ZBTB40: variants seen among roughly 807,000 people sequenced by gnomAD.
The protein encoded by ZBTB40 is zinc finger and BTB domain-containing protein 40.
ZBTB40 carries 60 observed loss-of-function variants against 117.5 expected under a neutral mutation model. The ratio of observed to expected loss-of-function variants is 0.51; its 90% CI spans 0.41 to 0.63. The LOEUF is 0.63. Among genes scored for constraint, ZBTB40 ranks in the 30% least tolerant of loss-of-function variants. ZBTB40 has a pLI of 0.00. For missense variants in ZBTB40, 1,287 were observed against 1,498.5 expected (o/e 0.86, Z 2.33); for synonymous variants, 525 against 577.1 (o/e 0.91, Z 1.29).
chr1:22,451,146 T>TCAGGATGCCTC (rs149192467), upstream of ZBTB40, among the ~76,000 whole-genome samples: 3 of 152,116 alleles, frequency 2.0e-5, no homozygotes, highest in Non-Finnish European at 4.4e-5. Context: ...AGAGGCAGGA[T>TCAGGATGCCTC]CAGGATGCCT....
upstream of ZBTB40, among the ~76,000 whole-genome samples, chr1:22,447,414 A>C (rs1640802026): frequency 6.6e-6 from 1 of 152,104 alleles, no homozygotes; most frequent in Admixed American, 6.6e-5. Flanking sequence ...TGACGGTTAG[A>C]GAGAGAGATG....
chr1:22,500,793 A>G (rs1284148222), intron 3 of ZBTB40, among the ~76,000 whole-genome samples: 1 of 152,248 alleles, frequency 6.6e-6, no homozygotes, highest in Non-Finnish European at 1.5e-5. Context: ...ACAGCTGGCA[A>G]CTACAAGCCA....
chr1:22,501,826 G>T, intron 4 of ZBTB40, 142 bp downstream of exon 4: 1 of 980,626 alleles, frequency 1.0e-6, no homozygotes, highest in South Asian at 1.4e-5. Flanking sequence ...TCCAGAAGCT[G>T]CATGTTAAAT....
Position 22,489,913 on chromosome 1 carries a change from G to C in ZBTB40, c.-36G>C. On this transcript the variant is annotated 5_prime_UTR_variant, in exon 2 of 18. Transcript: ENST00000375647. ...CTCCCAAAGCCAACTCTAAGGAGAG[G>C]AGAGGAAGAGCAGTTCTTGGGGCAG... The C allele has an allele frequency of 6.3e-7, 1 of 1,598,266 alleles. No individual in the cohort carries two copies. Among genetic ancestry groups the C allele is most frequent in the Non-Finnish European group, 8.5e-7 (1 of 1,174,450 alleles).
At position 22,520,291 on chromosome 1, in the gene ZBTB40, ACTGGGAGCT is replaced by A; in HGVS notation, c.3048+19_3048+27del. On this transcript the variant is annotated intron_variant, in intron 14 of 17. Transcript: ENST00000375647. ...GGCCTACCAGGTGACCTCAGGTGCC[ACTGGGAGCT>A]CTTCCCCTCACCCCTGACCTACTCT... 3 of 1,604,010 alleles carry A rather than the reference ACTGGGAGCT, an allele frequency of 1.9e-6. No homozygotes were observed. Among genetic ancestry groups the A allele is most frequent in the Non-Finnish European group, 2.5e-6 (3 of 1,176,914 alleles).
At chr1:22,515,349 T>A (rs563256260) in intron 12 of ZBTB40, among the ~76,000 whole-genome samples, 21 of 152,212 alleles carry the variant, frequency 1.4e-4, no homozygotes, top group African/African-American at 4.8e-4. Flanking sequence ...TTGGTTTTTA[T>A]GTGAAGTGTG....
At chr1:22,451,627 A>T (rs1403115460), upstream of ZBTB40, among the ~76,000 whole-genome samples, 2 of 151,936 alleles carry the variant, frequency 1.3e-5, no homozygotes, top group Non-Finnish European at 2.9e-5. Context: ...CCTGGGAAAC[A>T]AGAGCGAATC....
chr1:22,454,465 T>C (rs1360194362), intron 1 of ZBTB40, among the ~76,000 whole-genome samples: 1 of 152,148 alleles, frequency 6.6e-6, no homozygotes, highest in Non-Finnish European at 1.5e-5. Context: ...GAGACTCACT[T>C]TTTATCTGGG....
At chr1:22,449,973 C>T (rs914344554), upstream of ZBTB40, among the ~76,000 whole-genome samples, 5 of 150,730 alleles carry the variant, frequency 3.3e-5, no homozygotes, top group Non-Finnish European at 7.4e-5. Context: ...GACGGAGTCT[C>T]GCTCTCGTTG....
intron 17 of ZBTB40, among the ~76,000 whole-genome samples, chr1:22,525,184 C>T (rs1639643596): frequency 6.6e-6 from 1 of 152,188 alleles, no homozygotes; most frequent in Non-Finnish European, 1.5e-5. Context: ...ACTCTGCTGT[C>T]ATATCAACCA....
chr1:22,474,283 CAA>C (rs994202896), intron 1 of ZBTB40, among the ~76,000 whole-genome samples: 3 of 152,302 alleles, frequency 2.0e-5, no homozygotes, highest in African/African-American at 7.2e-5. Context: ...GCATTTGAAA[CAA>C]TGATGATACA....
chr1:22,507,688 C>A (rs78736251), intron 6 of ZBTB40, among the ~76,000 whole-genome samples: 2,520 of 152,288 alleles, frequency 0.017, 32 homozygotes, highest in Middle Eastern at 0.085. Flanking sequence ...AAACACCCCC[C>A]CTTGAACCTG....
At chr1:22,500,977 C>G (rs919131328) in intron 3 of ZBTB40, among the ~76,000 whole-genome samples, 2 of 152,060 alleles carry the variant, frequency 1.3e-5, no homozygotes, top group Admixed American at 1.3e-4. Context: ...AATTTAAATT[C>G]AGACATCCCT....
Position 22,485,473 on chromosome 1 carries a change from C to T in ZBTB40, c.-69-4407C>T, listed in dbSNP as rs151019099. 5.9e-5 allele frequency among the ~76,000 whole-genome samples: 9 copies of T among 152,208 alleles called. No individual in the cohort carries two copies. In the East Asian group the frequency reaches 1.7e-3, roughly 29 times the overall value. ...AATGTATATGGGGTATACAGTGATA[C>T]TGATATTAATAAATTGTATTGTCTA... On this transcript the variant is annotated intron_variant, in intron 1 of 17. Coordinates refer to ENST00000375647, the MANE Select transcript of ZBTB40 (RefSeq NM_014870.4).
chr1:22,458,477 C>T (rs1473320995), intron 1 of ZBTB40, among the ~76,000 whole-genome samples: 2 of 152,216 alleles, frequency 1.3e-5, no homozygotes, highest in African/African-American at 4.8e-5. Context: ...AGGCTGCTCC[C>T]TCTCCCTGGA....
At chr1:22,429,209 C>G (rs1342386309) in intron 1 of ZBTB40, among the ~76,000 whole-genome samples, 1 of 151,878 alleles carries the variant, frequency 6.6e-6, no homozygotes, top group Non-Finnish European at 1.5e-5. Context: ...GGTGAAACCC[C>G]GTCTCCACTA....
At position 22,471,907 on chromosome 1, in the gene ZBTB40, G is replaced by A. The variant is rs146704716; in HGVS notation, c.-69-17973G>A. On this transcript the variant is annotated intron_variant, in intron 1 of 17. Transcript: ENST00000375647. ...CAGAGTAAGCCACCGGCGAGGGGCTGTGGGAAGCAGCCTTTGTAGTGTCAA... is the reference window on the plus strand; with the variant it reads ...CAGAGTAAGCCACCGGCGAGGGGCTATGGGAAGCAGCCTTTGTAGTGTCAA... Among the ~76,000 whole-genome samples the A allele has an allele frequency of 2.9e-3, 435 of 152,326 alleles. 2 individuals carry two copies. Among genetic ancestry groups the A allele is most frequent in the Non-Finnish European group, 2.5e-3 (169 of 68,026 alleles).
intron 1 of ZBTB40, among the ~76,000 whole-genome samples, chr1:22,433,653 C>G (rs1204768602): frequency 7.0e-6 from 1 of 143,816 alleles, no homozygotes; most frequent in African/African-American, 2.5e-5. Context: ...CTAGGACTAC[C>G]CCTGTAGTCC....
At chr1:22,457,199 C>A (rs933171889) in intron 1 of ZBTB40, among the ~76,000 whole-genome samples, 3 of 152,044 alleles carry the variant, frequency 2.0e-5, no homozygotes, top group Non-Finnish European at 4.4e-5. Flanking sequence ...GAAAGAAAGG[C>A]TGTTTCCCTG....
Sources: allele counts gnomAD v4.1 joint callset (sites outside exome capture counted in the v4.1 genomes callset), GRCh38; gene constraint gnomAD v4.1.1; transcripts MANE v1.5; gene names NCBI Gene and HGNC (gene_info 2026-07-23, HGNC 2026-07-21).